TSGA13: variants seen among roughly 807,000 people sequenced by gnomAD.
TSGA13 encodes testis specific 13.
In TSGA13, 37 loss-of-function variants were observed where a neutral mutation model predicts 35.1. The observed-to-expected ratio is 1.05, with a 90% CI of 0.81 to 1.39. TSGA13 has a LOEUF of 1.39. Ranked by LOEUF, TSGA13 falls within the 40% of genes most tolerant of loss-of-function variation. TSGA13 has a pLI of 0.00. For missense variants in TSGA13, 338 were observed against 328.5 expected (o/e 1.03, Z -0.22); for synonymous variants, 124 against 121.2 (o/e 1.02, Z -0.15).
chr7:130,679,973 A>G (rs1430017548), intron 4 of TSGA13, among the ~76,000 whole-genome samples: 1 of 152,132 alleles, frequency 6.6e-6, no homozygotes, highest in Non-Finnish European at 1.5e-5. Flanking sequence ...TTCCAATATA[A>G]TGGGACAAGC....
chr7:130,679,439 G>T, intron 4 of TSGA13, 72 bp from the exon 5 acceptor site: 2 of 1,316,674 alleles, frequency 1.5e-6, no homozygotes, highest in Non-Finnish European at 2.1e-6. Flanking sequence ...TCGGTTGGCT[G>T]ATACTTAGCC....
intron 7 of TSGA13, among the ~76,000 whole-genome samples, chr7:130,669,973 T>C (rs968575757): frequency 6.6e-5 from 10 of 152,124 alleles, no homozygotes; most frequent in African/African-American, 2.4e-4. Flanking sequence ...GCAGAGACAG[T>C]GTAGATAATA....
At position 130,679,245 on chromosome 7, in the gene TSGA13, C is replaced by A; in HGVS notation, c.297G>T (p.Met99Ile). The change falls in exon 5 of 8, where the codon ATG becomes ATT. Residue 99 changes from methionine to isoleucine, a missense_variant. Coordinates refer to ENST00000356588, the MANE Select transcript of TSGA13 (RefSeq NM_052933.4). Reference sequence around the variant, plus strand: ...TTGAGCAGGGAGGTGGGTTGTTGGTCATAATCAGTAACGTCTTATCCTGGT... The same window carrying A: ...TTGAGCAGGGAGGTGGGTTGTTGGTAATAATCAGTAACGTCTTATCCTGGT... The part of the protein sequence containing the change: ...QYDQDKTLLI[M>I]TNNPPPCSIT... 1 of 1,614,124 alleles carries A rather than the reference C, an allele frequency of 6.2e-7. No homozygotes were observed. Among genetic ancestry groups the A allele is most frequent in the South Asian group, 1.1e-5 (1 of 91,070 alleles).
chr7:130,673,661 C>T (rs557870872), intron 5 of TSGA13, among the ~76,000 whole-genome samples: 2 of 152,216 alleles, frequency 1.3e-5, no homozygotes, highest in South Asian at 4.2e-4. Context: ...TATGACATGG[C>T]ATTGGGTTCC....
In TSGA13 at chr7:130,686,245, T is replaced by A. The variant is rs557027377; in HGVS notation, c.-151+17A>T. On this transcript the variant is annotated intron_variant, in intron 1 of 7. Transcript: ENST00000356588. ...TTCTAGGGAAATAGAGTAATAAGCG[T>A]TTCACCCTTTTCTCACCTTTAATTT... 1.3e-5 allele frequency: 2 copies of A among 152,282 alleles called. No homozygotes were observed. Among genetic ancestry groups the A allele is most frequent in the South Asian group, 4.1e-4 (2 of 4,824 alleles). 9.4% of individuals were successfully genotyped at this position (152,282 alleles called of 1,614,324 possible). A position where few individuals can be genotyped will look rare whatever the true frequency, so the allele number is the denominator to read the frequency against.
upstream of TSGA13, chr7:130,686,789 C>T (rs1430456807): frequency 1.3e-5 from 2 of 151,186 alleles, no homozygotes; most frequent in African/African-American, 4.9e-5. Flanking sequence ...GTTTTCACTG[C>T]ATTCTTCAAA....
chr7:130,673,174 A>G (rs1275935650), intron 5 of TSGA13, among the ~76,000 whole-genome samples: 1 of 152,224 alleles, frequency 6.6e-6, no homozygotes, highest in Non-Finnish European at 1.5e-5. Flanking sequence ...AGTTTGGGGA[A>G]GGATTCAACC....
At chr7:130,674,608 A>G (rs1796367721) in intron 5 of TSGA13, among the ~76,000 whole-genome samples, 1 of 152,232 alleles carries the variant, frequency 6.6e-6, no homozygotes, top group Non-Finnish European at 1.5e-5. Flanking sequence ...ACTAGAATTA[A>G]GCTTCATTAG....
chr7:130,680,174 A>T (rs1319932261), intron 4 of TSGA13, among the ~76,000 whole-genome samples: 1 of 152,216 alleles, frequency 6.6e-6, no homozygotes, highest in Non-Finnish European at 1.5e-5. Flanking sequence ...TTTCTCAGGC[A>T]CAACCACATT....
chr7:130,677,187 C>G (rs12706948), intron 5 of TSGA13, among the ~76,000 whole-genome samples: 64,392 of 151,856 alleles, frequency 0.42, 16,577 homozygotes, highest in East Asian at 0.59. Flanking sequence ...CCACTGCTCC[C>G]GGCCAGATTT....
At chr7:130,672,125 A>G (rs190050306) in intron 6 of TSGA13, among the ~76,000 whole-genome samples, 7 of 152,222 alleles carry the variant, frequency 4.6e-5, no homozygotes, top group Admixed American at 1.3e-4. Flanking sequence ...CCTGAGCTCA[A>G]GTGATCTGCC....
intron 5 of TSGA13, among the ~76,000 whole-genome samples, chr7:130,678,658 C>A (rs1584637614): frequency 6.6e-6 from 1 of 152,048 alleles, no homozygotes; most frequent in Admixed American, 6.6e-5. Flanking sequence ...GTTTCAGCAC[C>A]CAAGCTTATT....
intron 4 of TSGA13, 109 bp from the exon 5 acceptor site, chr7:130,679,476 C>T: frequency 4.1e-6 from 4 of 969,854 alleles, no homozygotes; most frequent in Non-Finnish European, 4.5e-6. Flanking sequence ...AGAAGCTGGA[C>T]AGACTTGCTG....
In TSGA13 at chr7:130,681,067, C is replaced by CATT. The variant is rs781935511; in HGVS notation, c.103-51_103-50insAAT. 3.3e-6 allele frequency: 5 copies of CATT among 1,521,676 alleles called. No homozygotes were observed. In the South Asian group the frequency reaches 4.5e-5, roughly 14 times the overall value. The allele number at this position is 1,521,676 out of a possible 1,614,324, so 94.3% of individuals were successfully genotyped here. Reference sequence around the variant, plus strand: ...GGTTTGAAGTTGCACCTATCCTAAACAGTATTCCATTCCTTACCTCACCTT... The same window carrying CATT: ...GGTTTGAAGTTGCACCTATCCTAAACATTAGTATTCCATTCCTTACCTCACCTT... On this transcript the variant is annotated intron_variant, in intron 3 of 7. Transcript: ENST00000356588.
At chr7:130,669,268 A>C (rs1796189568) in intron 7 of TSGA13, 85 bp from the exon 8 acceptor site, 1 of 1,528,342 alleles carries the variant, frequency 6.5e-7, no homozygotes, top group African/African-American at 1.4e-5. Context: ...AAGGAGACGC[A>C]CTTGGAGGGA....
At chr7:130,670,127 A>T (rs1250916197) in intron 7 of TSGA13, among the ~76,000 whole-genome samples, 1 of 152,168 alleles carries the variant, frequency 6.6e-6, no homozygotes, top group African/African-American at 2.4e-5. Context: ...GCTTTTCTGT[A>T]TATCTATGAA....
intron 5 of TSGA13, among the ~76,000 whole-genome samples, chr7:130,676,954 G>C (rs1796425963): frequency 1.3e-5 from 2 of 150,922 alleles, no homozygotes; most frequent in Non-Finnish European, 2.9e-5. Context: ...GTGCAGTGGT[G>C]CGATCTCGGC....
intron 5 of TSGA13, among the ~76,000 whole-genome samples, chr7:130,674,197 A>G (rs1427530736): frequency 1.3e-4 from 14 of 104,334 alleles, no homozygotes; most frequent in Middle Eastern, 8.3e-3. Flanking sequence ...TTTGAGATAG[A>G]GTCTCACTCT....
rs782743587 is a variant in TSGA13, at chr7:130,672,889, G to A, written c.388-13C>T. The A allele has an allele frequency of 6.8e-6, 11 of 1,610,784 alleles. No homozygotes were observed. The highest frequency in any genetic ancestry group is 1.1e-5 in the South Asian group (1 of 90,614). On this transcript the variant is annotated splice_polypyrimidine_tract_variant and intron_variant, in intron 5 of 7. Transcript: ENST00000356588. ...GATGATGACTTTCCTGTAGGGAAAC[G>A]AGGGAAGAAGAGTGAGGGAGTAAGC...
Sources: allele counts gnomAD v4.1 joint callset (sites outside exome capture counted in the v4.1 genomes callset), GRCh38; gene constraint gnomAD v4.1.1; transcripts MANE v1.5; gene names NCBI Gene and HGNC (gene_info 2026-07-23, HGNC 2026-07-21).